The following SYTL3 variants were observed in gnomAD, a reference collection of about 807,000 sequenced individuals.
SYTL3 encodes the protein synaptotagmin like 3, also known as synaptotagmin-like protein 3.
Under a neutral mutation model 82.1 loss-of-function variants are expected in SYTL3, and 88 were observed. That is an observed-to-expected ratio of 1.07 (90% CI 0.90 to 1.28). The LOEUF is 1.28. Ranked by LOEUF, SYTL3 falls within the 50% of genes most tolerant of loss-of-function variation. SYTL3 has a pLI of 0.00. For synonymous variants in SYTL3, 311 were observed against 289.4 expected, an observed-to-expected ratio of 1.07 and a Z score of -0.76; for missense variants, 831 against 757.6, an observed-to-expected ratio of 1.10 and a Z score of -1.14.
intron 12 of SYTL3, among the ~76,000 whole-genome samples, chr6:158,746,459 A>ATTATTAT (rs1554263762): frequency 1.1e-3 from 161 of 142,050 alleles, no homozygotes; most frequent in Admixed American, 1.6e-3. Flanking sequence ...AATAATAATA[A>ATTATTAT]TATTATTATT....
At chr6:158,740,931 A>C (rs1786849001) in intron 11 of SYTL3, among the ~76,000 whole-genome samples, 2 of 152,148 alleles carry the variant, frequency 1.3e-5, no homozygotes, top group Non-Finnish European at 2.9e-5. Flanking sequence ...CTTGGAAAGC[A>C]TTTTCTGCAT....
chr6:158,689,922 G>A (rs1360736774), intron 6 of SYTL3, among the ~76,000 whole-genome samples: 1 of 152,184 alleles, frequency 6.6e-6, no homozygotes, highest in Non-Finnish European at 1.5e-5. Flanking sequence ...CCAAAGTGCT[G>A]GGATTATAGG....
intron 6 of SYTL3, among the ~76,000 whole-genome samples, chr6:158,689,261 T>C (rs1171740915): frequency 2.6e-5 from 4 of 151,460 alleles, no homozygotes; most frequent in African/African-American, 9.8e-5. Context: ...GGTGTGGAAT[T>C]ATCCTTAAAA....
chr6:158,665,513 G>T lies in SYTL3; in HGVS notation c.229G>T (p.Gly77Cys), dbSNP rs1342442417. The T allele has an allele frequency of 1.9e-6, 3 of 1,595,378 alleles. No homozygotes were observed. The highest frequency in any genetic ancestry group is 2.6e-6 in the Non-Finnish European group (3 of 1,171,694). ...QQVLGFLLHR[G>C]AVCRGCSHRV... The stretch of plus-strand genomic sequence containing the variant: ...GGTGCTGGGGTTCCTGCTGCACCGG[G>T]GCGCCGTGTGCCGGGGCTGCAGCCA... Residue 77 changes from glycine to cysteine, a missense_variant, in exon 5 of 18, where the codon GGC becomes TGC. Physicochemically the swap from Gly to Cys is radical, Grantham distance 159. Coordinates refer to ENST00000611299, the MANE Select transcript of SYTL3 (RefSeq NM_001242394.2).
At chr6:158,645,027 G>A (rs1175570428), upstream of SYTL3, among the ~76,000 whole-genome samples, 6 of 152,228 alleles carry the variant, frequency 3.9e-5, no homozygotes, top group Non-Finnish European at 7.3e-5. Context: ...GTCCTGGAGG[G>A]GAAGCGTGGT....
chr6:158,764,498 G>GA lies in SYTL3; in HGVS notation c.1728dup (p.Asp577ArgfsTer37). On this transcript the variant is annotated frameshift_variant, in exon 18 of 18. Transcript: ENST00000611299. LOFTEE classifies it high-confidence loss of function. The stretch of plus-strand genomic sequence containing the variant: ...AAATTGTCTTCCTCTCTTACAGAGG[G>GA]AGACACAGCTGTTGGCGGGGATGCA... The GA allele has an allele frequency of 6.2e-7, 1 of 1,610,956 alleles. No individual in the cohort carries two copies. Among genetic ancestry groups the GA allele is most frequent in the Non-Finnish European group, 8.5e-7 (1 of 1,177,362 alleles).
chr6:158,650,743 G>A (rs1002637846), intron 1 of SYTL3, among the ~76,000 whole-genome samples: 17 of 149,604 alleles, frequency 1.1e-4, no homozygotes, highest in Non-Finnish European at 2.1e-4. Flanking sequence ...AGGAATTTGA[G>A]ACCAGCCTGG....
intron 6 of SYTL3, among the ~76,000 whole-genome samples, chr6:158,705,065 G>GA (rs567381219): frequency 3.4e-3 from 207 of 61,666 alleles, no homozygotes; most frequent in Middle Eastern, 7.2e-3. Flanking sequence ...GGGACCCGGG[G>GA]CAGGGTGACA....
At chr6:158,658,187 C>T (rs1194177315) in intron 2 of SYTL3, among the ~76,000 whole-genome samples, 2 of 152,212 alleles carry the variant, frequency 1.3e-5, no homozygotes, top group African/African-American at 4.8e-5. Context: ...CCACCACGCC[C>T]GGCCCACTAG....
At chr6:158,709,439 T>C (rs551738930) in intron 8 of SYTL3, among the ~76,000 whole-genome samples, 118 of 152,304 alleles carry the variant, frequency 7.7e-4, no homozygotes, top group Non-Finnish European at 1.3e-3. Context: ...TGAATATATA[T>C]TGCTTTCACA....
chr6:158,764,551 A>AG lies in SYTL3; in HGVS notation c.1780_1781insG (p.Lys594ArgfsTer20). 1.2e-6 allele frequency: 2 copies of AG among 1,614,140 alleles called. No homozygotes were observed. Among genetic ancestry groups the AG allele is most frequent in the Non-Finnish European group, 1.7e-6 (2 of 1,180,014 alleles). On this transcript the variant is annotated frameshift_variant, in exon 18 of 18. Transcript: ENST00000611299. LOFTEE classifies it high-confidence loss of function. ...CTCACTATCGAAGCTCCAGTGGCAG[A>AG]AAGTCCTTTCCAGCCCCAATCTATG...
At position 158,743,598 on chromosome 6, in the gene SYTL3, C is replaced by CTTTTTTT. The variant is rs397887964; in HGVS notation, c.856-1861_856-1855dup. ...ACTCATGCTGGTGCACCAGTCCAAG[C>CTTTTTTT]TTTTTTTTTTTTTTTTTTTTTTTTT... On this transcript the variant is annotated intron_variant, in intron 11 of 17. Coordinates refer to ENST00000611299, the MANE Select transcript of SYTL3 (RefSeq NM_001242394.2). 3.3e-4 allele frequency among the ~76,000 whole-genome samples: 21 copies of CTTTTTTT among 63,080 alleles called. 2 individuals carry two copies. The highest frequency in any genetic ancestry group is 4.4e-4 in the Non-Finnish European group (15 of 33,742). The allele number at this position is 63,080 out of a possible 152,430, so 41.4% of individuals were successfully genotyped here.
Position 158,713,780 on chromosome 6 carries a change from T to C in SYTL3, c.517-20T>C. 6.6e-7 allele frequency: 1 copy of C among 1,512,524 alleles called. No individual in the cohort carries two copies. Among genetic ancestry groups the C allele is most frequent in the South Asian group, 1.2e-5 (1 of 83,312 alleles). The allele number at this position is 1,512,524 out of a possible 1,614,324, so 93.7% of individuals were successfully genotyped here. ...GTCATCAAGCATAATTCTCATTCTC[T>C]CCTTCTGTCTCTGTTTTAGTTACAG... On this transcript the variant is annotated intron_variant, in intron 8 of 17. Transcript: ENST00000611299.
Position 158,663,169 on chromosome 6 carries a change from G to A in SYTL3, c.-100G>A. On this transcript the variant is annotated 5_prime_UTR_variant, in exon 4 of 18. Transcript: ENST00000611299. ...ATAGGAGAGGGAGCTCTTTAAACAA[G>A]GCTGGCTGCAGCTGGCCTCCGCCGC... 1 of 997,034 alleles carries A rather than the reference G, an allele frequency of 1.0e-6. No individual in the cohort carries two copies. The highest frequency in any genetic ancestry group is 1.5e-6 in the Non-Finnish European group (1 of 649,288). The allele number at this position is 997,034 out of a possible 1,614,324, so 61.8% of individuals were successfully genotyped here.
At chr6:158,727,770 G>A (rs558539370) in intron 11 of SYTL3, among the ~76,000 whole-genome samples, 28 of 139,590 alleles carry the variant, frequency 2.0e-4, no homozygotes, top group African/African-American at 7.5e-4. Flanking sequence ...TGTGACCTCC[G>A]CCTCCCAGGT....
intron 2 of SYTL3, among the ~76,000 whole-genome samples, chr6:158,658,610 T>C (rs1449392330): frequency 2.6e-5 from 4 of 152,044 alleles, no homozygotes; most frequent in Non-Finnish European, 5.9e-5. Context: ...TTCTTTGGAG[T>C]GGACCTTCCA....
Position 158,719,411 on chromosome 6 carries a change from G to A in SYTL3, c.720+1200G>A, listed in dbSNP as rs145020935. ...AGGGGGTCACTGGGGCTCTTAAAAT[G>A]CAGATTCCAAATCAGTAGCTGCGGG... On this transcript the variant is annotated intron_variant, in intron 10 of 17. Transcript: ENST00000611299. 6.1e-3 allele frequency among the ~76,000 whole-genome samples: 932 copies of A among 152,310 alleles called. 5 individuals carry two copies. The highest frequency in any genetic ancestry group is 0.011 in the Non-Finnish European group (734 of 68,016).
In SYTL3 at chr6:158,682,984, C is replaced by T. The variant is rs1778886740; in HGVS notation, c.389C>T (p.Thr130Ile). Residue 130 changes from threonine to isoleucine, a missense_variant, in exon 6 of 18, where the codon ACT becomes ATT. Thr to Ile is a moderately conservative substitution (Grantham distance 89). Coordinates refer to ENST00000611299, the MANE Select transcript of SYTL3 (RefSeq NM_001242394.2). ...FYEERAKKFPTGGKHETVGGQ... is the reference protein window; with the variant it reads ...FYEERAKKFPIGGKHETVGGQ... The stretch of plus-strand genomic sequence containing the variant: ...GAGGAACGAGCCAAGAAATTTCCAA[C>T]TGGAGGTAAATGCTCTTTACTTTTT... The T allele has an allele frequency of 6.2e-7, 1 of 1,608,700 alleles. No individual in the cohort carries two copies. Among genetic ancestry groups the T allele is most frequent in the South Asian group, 1.1e-5 (1 of 90,958 alleles).
intron 6 of SYTL3, among the ~76,000 whole-genome samples, chr6:158,693,786 A>T (rs1583259939): frequency 6.8e-6 from 1 of 146,052 alleles, no homozygotes; most frequent in African/African-American, 2.6e-5. Flanking sequence ...CAAGTGATCC[A>T]CCTGCGCCGG....
Sources: allele counts gnomAD v4.1 joint callset (sites outside exome capture counted in the v4.1 genomes callset), GRCh38; gene constraint gnomAD v4.1.1; transcripts MANE v1.5; gene names NCBI Gene and HGNC (gene_info 2026-07-23, HGNC 2026-07-21).